The following MRRF variants were observed in gnomAD, a reference collection of about 807,000 sequenced individuals.
MRRF encodes mitochondrial ribosome recycling factor.
In MRRF, 18 loss-of-function variants were observed where a neutral mutation model predicts 25.1. The ratio of observed to expected loss-of-function variants is 0.72; its 90% CI spans 0.50 to 1.06. The LOEUF is 1.06. MRRF is among the 50% of genes least tolerant of loss of function. MRRF has a pLI of 0.00. For synonymous variants in MRRF, 113 were observed against 112.1 expected, an observed-to-expected ratio of 1.01 and a Z score of -0.05; for missense variants, 323 against 319.3, an observed-to-expected ratio of 1.01 and a Z score of -0.09.
chr9:122,306,577 C>T (rs1834862578), intron 5 of MRRF, among the ~76,000 whole-genome samples: 1 of 152,158 alleles, frequency 6.6e-6, no homozygotes, highest in South Asian at 2.1e-4. Flanking sequence ...GACAACCTTG[C>T]GTTCAGAGAG....
intron 2 of MRRF, among the ~76,000 whole-genome samples, chr9:122,272,288 G>A (rs1281616504): frequency 1.3e-5 from 2 of 152,152 alleles, no homozygotes; most frequent in African/African-American, 2.4e-5. Flanking sequence ...CAGTCTTCTA[G>A]TGTAATAGAC....
At chr9:122,278,210 C>G (rs971623000) in intron 2 of MRRF, among the ~76,000 whole-genome samples, 2 of 151,286 alleles carry the variant, frequency 1.3e-5, no homozygotes, top group African/African-American at 4.9e-5. Flanking sequence ...GATGGTTACC[C>G]TTAACTAATT....
intron 6 of MRRF, among the ~76,000 whole-genome samples, chr9:122,319,806 C>T (rs757529871): frequency 2.0e-5 from 3 of 151,714 alleles, no homozygotes; most frequent in Non-Finnish European, 4.4e-5. Flanking sequence ...GATGAACTTA[C>T]AGGCAGGCTG....
chr9:122,296,954 C>T (rs374358708), intron 5 of MRRF, among the ~76,000 whole-genome samples: 4 of 152,248 alleles, frequency 2.6e-5, no homozygotes, highest in African/African-American at 9.6e-5. Context: ...TTGCATCTTT[C>T]CTTGATTGTC....
At chr9:122,310,995 C>T (rs1835169969) in intron 5 of MRRF, among the ~76,000 whole-genome samples, 1 of 152,176 alleles carries the variant, frequency 6.6e-6, no homozygotes, top group Non-Finnish European at 1.5e-5. Context: ...TAAACACTAT[C>T]ATTTATTCAA....
intron 6 of MRRF, among the ~76,000 whole-genome samples, chr9:122,320,535 A>C (rs1835832704): frequency 6.6e-6 from 1 of 152,080 alleles, no homozygotes; most frequent in Non-Finnish European, 1.5e-5. Flanking sequence ...GCCACACCCC[A>C]TGCAAGGCAG....
chr9:122,275,720 C>G (rs1411830355), intron 2 of MRRF, among the ~76,000 whole-genome samples: 3 of 152,120 alleles, frequency 2.0e-5, no homozygotes, highest in Non-Finnish European at 4.4e-5. Context: ...GCTTATTTTG[C>G]TTAGTGTAAT....
chr9:122,315,388 CTA>C (rs1835449957), intron 6 of MRRF, among the ~76,000 whole-genome samples: 1 of 152,154 alleles, frequency 6.6e-6, no homozygotes, highest in Non-Finnish European at 1.5e-5. Context: ...TGTAATGACA[CTA>C]GAGTTAGAAA....
At chr9:122,322,400 AC>A (rs1424544694) in intron 6 of MRRF, 139 bp from the exon 7 acceptor site, 1 of 767,340 alleles carries the variant, frequency 1.3e-6, no homozygotes, top group African/African-American at 1.7e-5. Flanking sequence ...AGTTCTTAGT[AC>A]AGTGCCTGAC....
At position 122,319,147 on chromosome 9, in the gene MRRF, C is replaced by CTTTTT. The variant is rs35949709; in HGVS notation, c.712-3376_712-3372dup. Among the ~76,000 whole-genome samples, 116 of 121,000 alleles carry CTTTTT rather than the reference C, an allele frequency of 9.6e-4. 1 individual carries two copies. The highest frequency in any genetic ancestry group is 1.8e-3 in the East Asian group (7 of 3,984). 79.4% of individuals were successfully genotyped at this position (121,000 alleles called of 152,430 possible). A position where few individuals can be genotyped will look rare whatever the true frequency, so the allele number is the denominator to read the frequency against. On this transcript the variant is annotated intron_variant, in intron 6 of 6. Coordinates refer to ENST00000344641, the MANE Select transcript of MRRF (RefSeq NM_138777.5). ...CACCACTGAACTTCTTTCTTTCTTT[C>CTTTTT]TTTTTTTTTTTTTTTTTTTTTGAGA... is the stretch of plus-strand genomic sequence containing the variant.
rs1009394900 is a variant in MRRF at position 122,277,516 on chromosome 9, A to G, written c.185-2927A>G. The stretch of plus-strand genomic sequence containing the variant: ...ATTTTGATCCATTTATATTTATTGT[A>G]GTCACTGCATATTTGTGTTATTATT... On this transcript the variant is annotated intron_variant, in intron 2 of 6. Transcript: ENST00000344641. Among the ~76,000 whole-genome samples the G allele has an allele frequency of 6.6e-5, 10 of 152,080 alleles. 1 individual carries two copies. Among genetic ancestry groups the G allele is most frequent in the South Asian group, 6.2e-4 (3 of 4,830 alleles).
intron 5 of MRRF, among the ~76,000 whole-genome samples, chr9:122,295,249 C>T (rs1345351852): frequency 1.3e-5 from 2 of 152,132 alleles, no homozygotes; most frequent in Non-Finnish European, 2.9e-5. Flanking sequence ...ATGCTATTTC[C>T]ATCATCCCCT....
chr9:122,271,954 A>C (rs1398406574), intron 2 of MRRF, among the ~76,000 whole-genome samples: 1 of 152,234 alleles, frequency 6.6e-6, no homozygotes, highest in African/African-American at 2.4e-5. Context: ...CCCTTTCTGT[A>C]ATAGGAAAAT....
intron 3 of MRRF, among the ~76,000 whole-genome samples, chr9:122,282,887 G>A (rs1306207581): frequency 6.6e-6 from 1 of 152,100 alleles, no homozygotes; most frequent in Non-Finnish European, 1.5e-5. Context: ...AGAGAAGAGT[G>A]TTCTCAGTAG....
intron 6 of MRRF, among the ~76,000 whole-genome samples, chr9:122,316,761 T>TC (rs1223379999): frequency 6.6e-6 from 1 of 151,724 alleles, no homozygotes; most frequent in East Asian, 1.9e-4. Flanking sequence ...CATCCTCCCC[T>TC]CCCACATTGG....
At chr9:122,322,380 G>C (rs2119024378) in intron 6 of MRRF, among the ~76,000 whole-genome samples, 160 bp from the exon 7 acceptor site, 1 of 151,986 alleles carries the variant, frequency 6.6e-6, no homozygotes, top group South Asian at 2.1e-4. Context: ...AAAAAAGAAT[G>C]TATATATAAA....
chr9:122,321,463 G>A (rs73557056), intron 6 of MRRF, among the ~76,000 whole-genome samples: 52 of 152,024 alleles, frequency 3.4e-4, no homozygotes, highest in African/African-American at 6.5e-4. Flanking sequence ...AAATATCTTC[G>A]TGTATAGAAC....
At chr9:122,290,600 C>T (rs1833699914) in intron 4 of MRRF, among the ~76,000 whole-genome samples, 1 of 152,162 alleles carries the variant, frequency 6.6e-6, no homozygotes, top group East Asian at 1.9e-4. Context: ...TATCAACCGC[C>T]ATTCATTTAA....
intron 5 of MRRF, among the ~76,000 whole-genome samples, chr9:122,297,537 A>T (rs1260832797): frequency 6.6e-6 from 1 of 151,706 alleles, no homozygotes; most frequent in Non-Finnish European, 1.5e-5. Context: ...CTCTTTTTCT[A>T]AAGGTGTACT....
Sources: allele counts gnomAD v4.1 joint callset (sites outside exome capture counted in the v4.1 genomes callset), GRCh38; gene constraint gnomAD v4.1.1; transcripts MANE v1.5; gene names NCBI Gene and HGNC (gene_info 2026-07-23, HGNC 2026-07-21).